The following GNG7 variants were observed in gnomAD, a reference collection of about 807,000 sequenced individuals.
The protein encoded by GNG7 is G protein subunit gamma 7.
A neutral mutation model predicts 4.0 loss-of-function variants in GNG7; 1 was observed. The ratio of observed to expected loss-of-function variants is 0.25; its 90% CI spans 0.09 to 1.18. GNG7 has a LOEUF of 1.18. Ranked by LOEUF, GNG7 falls within the 50% of genes most tolerant of loss-of-function variation. The probability of loss-of-function intolerance (pLI) is 0.50; values close to 1 mark genes in which losing one functional copy is unlikely to be tolerated. For missense variants in GNG7, 86 were observed against 91.9 expected (o/e 0.94, Z 0.26); for synonymous variants, 34 against 36.9 (o/e 0.92, Z 0.29).
At chr19:2,650,146 G>T (rs896095186) in intron 1 of GNG7, among the ~76,000 whole-genome samples, 1 of 150,192 alleles carries the variant, frequency 6.7e-6, no homozygotes, top group Non-Finnish European at 1.5e-5. Flanking sequence ...GTTGGCAATT[G>T]TGAATCTGCT....
rs1978291099 is a variant in GNG7, at chr19:2,517,756, C to T, written c.82-2609G>A. ...CGAACTCCTAGGCTCAGGCGACCCT[C>T]CCGCCTAGACCTCTGAAAGTGCTGG... On this transcript the variant is annotated intron_variant, in intron 4 of 4. Transcript: ENST00000382159. 3.9e-5 allele frequency among the ~76,000 whole-genome samples: 6 copies of T among 152,338 alleles called. No individual in the cohort carries two copies. In the South Asian group the frequency reaches 1.2e-3, roughly 32 times the overall value.
At chr19:2,539,795 T>C (rs1180026066) in intron 3 of GNG7, among the ~76,000 whole-genome samples, 2 of 151,214 alleles carry the variant, frequency 1.3e-5, no homozygotes, top group African/African-American at 4.9e-5. Context: ...TGGCCTAAAG[T>C]TCTGCATTCT....
intron 1 of GNG7, among the ~76,000 whole-genome samples, chr19:2,698,547 GAGAA>G (rs1345084396): frequency 1.3e-5 from 2 of 151,576 alleles, no homozygotes; most frequent in African/African-American, 4.8e-5. Flanking sequence ...CTTGGTGACA[GAGAA>G]AGACTGTGTT....
chr19:2,660,912 G>A (rs1205816950), intron 1 of GNG7, among the ~76,000 whole-genome samples: 1 of 152,104 alleles, frequency 6.6e-6, no homozygotes, highest in Non-Finnish European at 1.5e-5. Flanking sequence ...TCCATGTGTT[G>A]CAGAAATGGG....
chr19:2,566,182 A>G (rs1979902610), intron 2 of GNG7, among the ~76,000 whole-genome samples: 1 of 152,040 alleles, frequency 6.6e-6, no homozygotes, highest in South Asian at 2.1e-4. Context: ...AAATAAATAT[A>G]AAAAATAAAT....
intron 2 of GNG7, among the ~76,000 whole-genome samples, chr19:2,596,546 G>T (rs1265288905): frequency 6.6e-6 from 1 of 151,932 alleles, no homozygotes. Flanking sequence ...ATATCCACCT[G>T]TGGTCCCAGC....
At chr19:2,553,455 T>C (rs1255557169) in intron 3 of GNG7, among the ~76,000 whole-genome samples, 1 of 147,582 alleles carries the variant, frequency 6.8e-6, no homozygotes. Flanking sequence ...TTATATGCAA[T>C]ATATTATGTT....
rs983145935 is a variant in GNG7 at position 2,557,509 on chromosome 19, T to C, written c.-77-2321A>G. Among the ~76,000 whole-genome samples the C allele has an allele frequency of 1.3e-5, 2 of 152,172 alleles. No individual in the cohort carries two copies. The highest frequency in any genetic ancestry group is 4.1e-4 in the South Asian group (2 of 4,832). The stretch of plus-strand genomic sequence containing the variant: ...TCCTCCTGCCCAAAGGCACCTGCAC[T>C]CACAAAAGACTCAGAGGCTCCGCCT... On this transcript the variant is annotated intron_variant, in intron 2 of 4. Transcript: ENST00000382159. The surrounding 1 kb of genome is among the most constrained non-coding windows in gnomAD (Gnocchi z 5.1).
At chr19:2,684,127 G>A (rs1236474427) in intron 1 of GNG7, among the ~76,000 whole-genome samples, 1 of 146,174 alleles carries the variant, frequency 6.8e-6, no homozygotes, top group Non-Finnish European at 1.5e-5. Context: ...TTCGAGACCA[G>A]CCTGGCCATT....
At chr19:2,571,588 CTTTTTTTTTT>C (rs779497111) in intron 2 of GNG7, among the ~76,000 whole-genome samples, 1 of 68,014 alleles carries the variant, frequency 1.5e-5, no homozygotes, top group Non-Finnish European at 2.6e-5. Context: ...CATTTCTTTC[CTTTTTTTTTT>C]TTTTTTTTTT....
intron 3 of GNG7, among the ~76,000 whole-genome samples, chr19:2,551,557 ATATTTATC>A (rs1183771777): frequency 6.8e-6 from 1 of 147,106 alleles, no homozygotes; most frequent in Non-Finnish European, 1.5e-5. Context: ...TTATTAATAT[ATATTTATC>A]TATTATCTAT....
chr19:2,606,981 GA>G (rs1568260906), intron 2 of GNG7, among the ~76,000 whole-genome samples: 4 of 151,996 alleles, frequency 2.6e-5, no homozygotes, highest in African/African-American at 4.8e-5. Context: ...AGCACCTCAG[GA>G]GGCCGAGGCG....
intron 1 of GNG7, among the ~76,000 whole-genome samples, chr19:2,665,488 A>C (rs919245420): frequency 6.6e-6 from 1 of 152,206 alleles, no homozygotes; most frequent in Non-Finnish European, 1.5e-5. Context: ...GGACAAAAAA[A>C]AGAAAGAAAA....
At chr19:2,651,961 G>C (rs1283349964) in intron 1 of GNG7, among the ~76,000 whole-genome samples, 1 of 151,846 alleles carries the variant, frequency 6.6e-6, no homozygotes, top group African/African-American at 2.4e-5. Context: ...GATCACCTGA[G>C]GTCAGGAGTT....
In GNG7 at chr19:2,661,302, G is replaced by GAAAGAAAGAAACAA; in HGVS notation, c.-134-15023_-134-15022insTTGTTTCTTTCTTT. 3.8e-4 allele frequency among the ~76,000 whole-genome samples: 28 copies of GAAAGAAAGAAACAA among 73,124 alleles called. 1 individual carries two copies. Among genetic ancestry groups the GAAAGAAAGAAACAA allele is most frequent in the African/African-American group, 1.5e-3 (27 of 18,462 alleles). 48.0% of individuals were successfully genotyped at this position (73,124 alleles called of 152,430 possible). A position where few individuals can be genotyped will look rare whatever the true frequency, so the allele number is the denominator to read the frequency against. On this transcript the variant is annotated intron_variant, in intron 1 of 4. Transcript: ENST00000382159. ...AGAAAGAAAGAAAGAAAGAAAGAAA[G>GAAAGAAAGAAACAA]AGAAAGAAAGAAAGAAAGAAAGAAA...
chr19:2,550,391 AT>A, intron 3 of GNG7, among the ~76,000 whole-genome samples: 1 of 152,230 alleles, frequency 6.6e-6, no homozygotes, highest in East Asian at 1.9e-4. Flanking sequence ...AGCCCGGCTA[AT>A]TTTTTTATTT....
rs944445723 is a variant in GNG7, at chr19:2,591,738, C to A, written c.-77-36550G>T. ...GTTAGTGCCTGTCATATGTAAAGAGCACCTACAAATCAATAAGAAAAACTC... is the reference window on the plus strand; with the variant it reads ...GTTAGTGCCTGTCATATGTAAAGAGAACCTACAAATCAATAAGAAAAACTC... On this transcript the variant is annotated intron_variant, in intron 2 of 4. Coordinates refer to ENST00000382159, the MANE Select transcript of GNG7 (RefSeq NM_052847.3). Among the ~76,000 whole-genome samples, 8 of 152,072 alleles carry A rather than the reference C, an allele frequency of 5.3e-5. No individual in the cohort carries two copies. The East Asian group carries it at 1.5e-3, about 29-fold the overall frequency.
At chr19:2,587,908 GGAGA>G (rs563501755) in intron 2 of GNG7, among the ~76,000 whole-genome samples, 13 of 149,624 alleles carry the variant, frequency 8.7e-5, no homozygotes, top group African/African-American at 3.2e-4. Flanking sequence ...AAGAAAAGAA[GGAGA>G]GAGAGAGAGA....
chr19:2,649,889 C>A (rs546760786), intron 1 of GNG7, among the ~76,000 whole-genome samples: 1 of 151,896 alleles, frequency 6.6e-6, no homozygotes, highest in African/African-American at 2.4e-5. Context: ...CCGGCCCCCA[C>A]GCACACCCTC....
Sources: gnomAD v4.1 joint callset for allele counts (sites outside exome capture counted in the v4.1 genomes callset) on GRCh38, gnomAD v4.1.1 for gene constraint, Gnocchi (gnomAD v3.1) non-coding constraint, MANE v1.5 for transcripts, NCBI Gene and HGNC (gene_info 2026-07-23, HGNC 2026-07-21) for gene names.